The following HOXA6 variants were observed in gnomAD, a reference collection of about 807,000 sequenced individuals.
The protein encoded by HOXA6 is homeobox A6.
Under a neutral mutation model 23.2 loss-of-function variants are expected in HOXA6, and 19 were observed. That is an observed-to-expected ratio of 0.82 (90% CI 0.57 to 1.20). The LOEUF is 1.20. Ranked by LOEUF, HOXA6 falls within the 50% of genes most tolerant of loss-of-function variation. The pLI is 0.00. For synonymous variants in HOXA6, 140 were observed against 132.6 expected, an observed-to-expected ratio of 1.06 and a Z score of -0.38; for missense variants, 346 against 313.6, an observed-to-expected ratio of 1.10 and a Z score of -0.78.
Position 27,145,611 on chromosome 7 carries a change from C to T in HOXA6, c.*47G>A. 6.3e-7 allele frequency: 1 copy of T among 1,580,174 alleles called. No individual in the cohort carries two copies. Among genetic ancestry groups the T allele is most frequent in the Non-Finnish European group, 8.6e-7 (1 of 1,162,962 alleles). ...TGGGGAACAGGCGAGGGCAAGGGGG[C>T]AAAGCCGAAGGAGGTTGCAGCGCTG... is the stretch of plus-strand genomic sequence containing the variant. On this transcript the variant is annotated 3_prime_UTR_variant, in exon 2 of 2. Transcript: ENST00000222728.
In HOXA6 at chr7:27,147,720, G is replaced by A. The variant is rs370785785; in HGVS notation, c.30C>T (p.Phe10=). Residue 10 remains phenylalanine, a synonymous_variant, in exon 1 of 2, where the codon TTC becomes TTT. Coordinates refer to ENST00000222728, the MANE Select transcript of HOXA6 (RefSeq NM_024014.4). MSSYFVNPT[F]PGSLPSGQDS... ...CCTGGCCGCTGGGAAGGCTCCCGGGGAAAGTGGGATTCACAAAATAGGAAC... is the reference window on the plus strand; with the variant it reads ...CCTGGCCGCTGGGAAGGCTCCCGGGAAAAGTGGGATTCACAAAATAGGAAC... The A allele has an allele frequency of 3.1e-6, 5 of 1,610,928 alleles. No individual in the cohort carries two copies. Among genetic ancestry groups the A allele is most frequent in the South Asian group, 2.2e-5 (2 of 91,068 alleles).
chr7:27,145,774 CGGTGA>C lies in HOXA6; in HGVS notation c.581_585del (p.Leu194ArgfsTer?). 1 of 1,614,196 alleles carries C rather than the reference CGGTGA, an allele frequency of 6.2e-7. No homozygotes were observed. The highest frequency in any genetic ancestry group is 8.5e-7 in the Non-Finnish European group (1 of 1,180,028). On this transcript the variant is annotated frameshift_variant, in exon 2 of 2. Transcript: ENST00000222728. LOFTEE classifies it high-confidence loss of function. The stretch of plus-strand genomic sequence containing the variant: ...TGGAACCAGATCTTGATCTGGCGCT[CGGTGA>C]GGCAGAGCGCGTTGGCGATCTCGAT...
rs1782728353 is a variant in HOXA6, at chr7:27,145,574, G to C, written c.*84C>G. ...CGGAAGCCCCCAGATGGGAGCAGGC[G>C]GGGAGAAAAGTTGGGGAACAGGCGA... On this transcript the variant is annotated 3_prime_UTR_variant, in exon 2 of 2. Transcript: ENST00000222728. 5.9e-6 allele frequency: 9 copies of C among 1,527,668 alleles called. No individual in the cohort carries two copies. The highest frequency in any genetic ancestry group is 7.9e-6 in the Non-Finnish European group (9 of 1,136,000). The allele number at this position is 1,527,668 out of a possible 1,614,324, so 94.6% of individuals were successfully genotyped here. A position where few individuals can be genotyped will look rare whatever the true frequency, so the allele number is the denominator to read the frequency against.
chr7:27,147,691 G>C lies in HOXA6; in HGVS notation c.59C>G (p.Ser20Cys), dbSNP rs764297599. Residue 20 changes from serine to cysteine, a missense_variant, in exon 1 of 2, where the codon TCC becomes TGC. Ser to Cys is a moderately radical substitution (Grantham distance 112). Transcript: ENST00000222728. ...FPGSLPSGQD[S>C]FLGQLPLYQA... The stretch of plus-strand genomic sequence containing the variant: ...GTAGAGGGGCAGCTGGCCCAAGAAG[G>C]AGTCCTGGCCGCTGGGAAGGCTCCC... The C allele has an allele frequency of 6.2e-7, 1 of 1,613,676 alleles. No homozygotes were observed. The highest frequency in any genetic ancestry group is 2.2e-5 in the East Asian group (1 of 44,886).
chr7:27,146,058 A>C, intron 1 of HOXA6, 141 bp from the exon 2 acceptor site: 1 of 946,872 alleles, frequency 1.1e-6, no homozygotes, highest in South Asian at 1.7e-5. Context: ...CTGGGGCCCA[A>C]AGCATACTGA....
chr7:27,146,427 C>T (rs905086454), intron 1 of HOXA6, among the ~76,000 whole-genome samples: 1 of 152,202 alleles, frequency 6.6e-6, no homozygotes, highest in Non-Finnish European at 1.5e-5. Context: ...TTTACACATT[C>T]TCCCAAATTA....
In HOXA6 at chr7:27,145,688, C is replaced by G; in HGVS notation, c.672G>C (p.Gly224=). ...NKLINSTQPS[G]EDSEAKAGE is the part of the protein sequence containing the mutation. ...CGCCCGCCTTTGCCTCTGAGTCCTC[C>G]CCGCTGGGCTGCGTGGAATTGATGA... Residue 224 remains glycine (G), a synonymous_variant, in exon 2 of 2, where the codon GGG becomes GGC. Coordinates refer to ENST00000222728, the MANE Select transcript of HOXA6 (RefSeq NM_024014.4). 1 of 1,614,144 alleles carries G rather than the reference C, an allele frequency of 6.2e-7. No individual in the cohort carries two copies. Among genetic ancestry groups the G allele is most frequent in the Non-Finnish European group, 8.5e-7 (1 of 1,180,002 alleles).
At position 27,147,393 on chromosome 7, in the gene HOXA6, C is replaced by A. The variant is rs1782807566; in HGVS notation, c.357G>T (p.Gln119His). The change falls in exon 1 of 2, where the codon CAG (glutamine) becomes CAT (histidine). Residue 119 changes from glutamine to histidine, a missense_variant. Gln to His is a conservative substitution (Grantham distance 24). Coordinates refer to ENST00000222728, the MANE Select transcript of HOXA6 (RefSeq NM_024014.4). ...CGCCTTCGTCATGGAGTGCTTTGCC[C>A]TGCCCGCTGCTGCTGTCGGGTTTGT... The part of the protein sequence containing the change: ...QQYKPDSSSG[Q>H]GKALHDEGAD... 1 of 1,614,110 alleles carries A rather than the reference C, an allele frequency of 6.2e-7. No individual in the cohort carries two copies. The highest frequency in any genetic ancestry group is 1.7e-5 in the Admixed American group (1 of 60,008).
rs1782717822 is a variant in HOXA6, at chr7:27,145,425, G to A, written c.*233C>T. The A allele has an allele frequency of 1.6e-6, 1 of 627,480 alleles. No individual in the cohort carries two copies. Among genetic ancestry groups the A allele is most frequent in the African/African-American group, 1.8e-5 (1 of 54,580 alleles). 38.9% of individuals were successfully genotyped at this position (627,480 alleles called of 1,614,324 possible). A position where few individuals can be genotyped will look rare whatever the true frequency, so the allele number is the denominator to read the frequency against. Reference sequence around the variant, plus strand: ...TGTGTGCAGTGCGCCCCGCTCCACCGCTGGTATTGGCTGTGTGTGAGGTTT... The same window carrying A: ...TGTGTGCAGTGCGCCCCGCTCCACCACTGGTATTGGCTGTGTGTGAGGTTT... On this transcript the variant is annotated 3_prime_UTR_variant, in exon 2 of 2. Transcript: ENST00000222728.
At chr7:27,146,662 A>G (rs1340752597) in intron 1 of HOXA6, among the ~76,000 whole-genome samples, 1 of 152,140 alleles carries the variant, frequency 6.6e-6, no homozygotes, top group African/African-American at 2.4e-5. Flanking sequence ...ATCTGGTGCC[A>G]AAGTTCCCCA....
intron 1 of HOXA6, 95 bp from the exon 2 acceptor site, chr7:27,146,012 A>G: frequency 7.1e-7 from 1 of 1,401,004 alleles, no homozygotes. Flanking sequence ...CAGACTAGAA[A>G]CCACCCCGCC....
At chr7:27,147,167 C>T in intron 1 of HOXA6, 141 bp downstream of exon 1, 1 of 893,508 alleles carries the variant, frequency 1.1e-6, no homozygotes, top group Non-Finnish European at 1.7e-6. Flanking sequence ...TTTTTCTTCT[C>T]TTTTAAGAAG....
chr7:27,145,623 A>T lies in HOXA6; in HGVS notation c.*35T>A, dbSNP rs1390166020. On this transcript the variant is annotated 3_prime_UTR_variant, in exon 2 of 2. Coordinates refer to ENST00000222728, the MANE Select transcript of HOXA6 (RefSeq NM_024014.4). Reference sequence around the variant, plus strand: ...GAGGGCAAGGGGGCAAAGCCGAAGGAGGTTGCAGCGCTGGCCTGGTCCCTG... The same window carrying T: ...GAGGGCAAGGGGGCAAAGCCGAAGGTGGTTGCAGCGCTGGCCTGGTCCCTG... 2 of 1,595,352 alleles carry T rather than the reference A, an allele frequency of 1.3e-6. No individual in the cohort carries two copies. The highest frequency in any genetic ancestry group is 3.4e-5 in the Admixed American group (2 of 59,114).
Position 27,147,653 on chromosome 7 carries a change from C to G in HOXA6, c.97G>C (p.Asp33His). Residue 33 changes from aspartate to histidine, a missense_variant, in exon 1 of 2, where the codon GAC becomes CAC. Transcript: ENST00000222728. ...GAGGCCGGGAAGGGCCTCAGCGCGT[C>G]ATAGCCAGCCTGGTAGAGGGGCAGC... ...GQLPLYQAGY[D>H]ALRPFPASYG... is the part of the protein sequence containing the mutation. 6.2e-7 allele frequency: 1 copy of G among 1,614,208 alleles called. No individual in the cohort carries two copies. Among genetic ancestry groups the G allele is most frequent in the Non-Finnish European group, 8.5e-7 (1 of 1,180,038 alleles).
Position 27,145,457 on chromosome 7 carries a change from GT to G in HOXA6, c.*200del. On this transcript the variant is annotated 3_prime_UTR_variant, in exon 2 of 2. Coordinates refer to ENST00000222728, the MANE Select transcript of HOXA6 (RefSeq NM_024014.4). Reference sequence around the variant, plus strand: ...TTGGCTGTGTGTGAGGTTTTGTTTTGTTTTGTTTTGTTTTGTTTTGTTTTGT... The same window carrying G: ...TTGGCTGTGTGTGAGGTTTTGTTTTGTTTGTTTTGTTTTGTTTTGTTTTGT... The G allele has an allele frequency of 4.7e-6, 1 of 214,202 alleles. No homozygotes were observed. 13.3% of individuals were successfully genotyped at this position (214,202 alleles called of 1,614,324 possible).
chr7:27,147,758 C>G lies in HOXA6; in HGVS notation c.-9G>C. 1 of 1,600,360 alleles carries G rather than the reference C, an allele frequency of 6.2e-7. No homozygotes were observed. On this transcript the variant is annotated 5_prime_UTR_variant, in exon 1 of 2. Coordinates refer to ENST00000222728, the MANE Select transcript of HOXA6 (RefSeq NM_024014.4). ...ACAAAATAGGAACTCATTTGCGCGC[C>G]CCTCTGCAGGACTGTGATTTGTTGT...
At position 27,147,711 on chromosome 7, in the gene HOXA6, G is replaced by A; in HGVS notation, c.39C>T (p.Ser13=). Residue 13 remains serine (S), a synonymous_variant, in exon 1 of 2, where the codon AGC becomes AGT. Coordinates refer to ENST00000222728, the MANE Select transcript of HOXA6 (RefSeq NM_024014.4). The part of the protein sequence containing the change: ...SYFVNPTFPG[S]LPSGQDSFLG... ...AGAAGGAGTCCTGGCCGCTGGGAAG[G>A]CTCCCGGGGAAAGTGGGATTCACAA... 1 of 1,612,000 alleles carries A rather than the reference G, an allele frequency of 6.2e-7. No individual in the cohort carries two copies. Among genetic ancestry groups the A allele is most frequent in the East Asian group, 2.2e-5 (1 of 44,866 alleles).
At chr7:27,146,701 G>T (rs1190550946) in intron 1 of HOXA6, among the ~76,000 whole-genome samples, 1 of 152,130 alleles carries the variant, frequency 6.6e-6, no homozygotes, top group African/African-American at 2.4e-5. Flanking sequence ...TCCAAGACAG[G>T]TGTATGAAGC....
intron 1 of HOXA6, 30 bp downstream of exon 1, chr7:27,147,278 C>G (rs1462307245): frequency 6.3e-7 from 1 of 1,578,416 alleles, no homozygotes; most frequent in Non-Finnish European, 8.7e-7. Context: ...CCTTTCCCCT[C>G]TCCCTCCACT....
Sources: gnomAD v4.1 joint callset for allele counts (sites outside exome capture counted in the v4.1 genomes callset) on GRCh38, gnomAD v4.1.1 for gene constraint, MANE v1.5 for transcripts, NCBI Gene and HGNC (gene_info 2026-07-23, HGNC 2026-07-21) for gene names.